The following MYLK variants were observed in gnomAD, a reference collection of about 807,000 sequenced individuals.
The protein encoded by MYLK is myosin light chain kinase, smooth muscle.
In MYLK, 106 loss-of-function variants were observed where a neutral mutation model predicts 203.4. That is an observed-to-expected ratio of 0.52 (90% confidence interval 0.45 to 0.61). The LOEUF (loss-of-function observed/expected upper bound fraction) is 0.61. Ranked by LOEUF, MYLK falls within the 20% of genes least tolerant of loss-of-function variation. The pLI is 0.00. For missense variants in MYLK, 2,072 were observed against 2,442.3 expected (o/e 0.85, Z 3.20); for synonymous variants, 867 against 959.5 (o/e 0.90, Z 1.78).
At position 123,708,768 on chromosome 3, in the gene MYLK, C is replaced by T. The variant is rs141049942; in HGVS notation, c.2070G>A (p.Thr690=). The T allele has an allele frequency of 3.6e-5, 58 of 1,614,028 alleles. No homozygotes were observed. The highest frequency in any genetic ancestry group is 1.6e-4 in the Middle Eastern group (1 of 6,082). Residue 690 remains threonine, a synonymous_variant, in exon 15 of 34, where the codon ACG becomes ACA. Coordinates refer to ENST00000360304, the MANE Select transcript of MYLK (RefSeq NM_053025.4). ...LCIQEVFPED[T]GTYTCEAWNS... is the part of the protein sequence containing the mutation. ...TCCAGGCCTCGCAGGTGTACGTGCC[C>T]GTGTCCTCCGGGAACACTTCCTGGA...
chr3:123,635,599 C>G (rs1165901606), intron 29 of MYLK, among the ~76,000 whole-genome samples: 1 of 152,216 alleles, frequency 6.6e-6, no homozygotes, highest in African/African-American at 2.4e-5. Context: ...TATCTTCTCC[C>G]CATTTCCAAA....
intron 18 of MYLK, among the ~76,000 whole-genome samples, chr3:123,699,550 A>G (rs1576616741): frequency 6.6e-6 from 1 of 152,192 alleles, no homozygotes; most frequent in African/African-American, 2.4e-5. Context: ...GTCACTGCAC[A>G]CCGTTCCCCA....
intron 2 of MYLK, among the ~76,000 whole-genome samples, chr3:123,836,716 T>C (rs2066482429): frequency 6.6e-6 from 1 of 152,186 alleles, no homozygotes; most frequent in Admixed American, 6.5e-5. Flanking sequence ...AAGGAGGTAA[T>C]ATGGAAACTC....
intron 4 of MYLK, among the ~76,000 whole-genome samples, chr3:123,791,568 T>C (rs529030272): frequency 1.3e-5 from 2 of 152,382 alleles, no homozygotes; most frequent in South Asian, 4.1e-4. Context: ...CTCTCTGGAA[T>C]AGTCTTTCTT....
chr3:123,809,236 C>CT (rs2065471816), intron 3 of MYLK, among the ~76,000 whole-genome samples: 1 of 152,098 alleles, frequency 6.6e-6, no homozygotes, highest in Admixed American at 6.5e-5. Context: ...TAGAAGACCT[C>CT]TAAGCAGGCC....
At chr3:123,686,838 A>G (rs1026688458) in intron 19 of MYLK, among the ~76,000 whole-genome samples, 2 of 152,206 alleles carry the variant, frequency 1.3e-5, no homozygotes, top group Non-Finnish European at 2.9e-5. Flanking sequence ...GAACTACACC[A>G]TTCGCCAGTA....
chr3:123,781,420 G>A (rs940205110), intron 4 of MYLK, among the ~76,000 whole-genome samples: 3 of 152,168 alleles, frequency 2.0e-5, no homozygotes, highest in Non-Finnish European at 2.9e-5. Context: ...AGGGTGCTGT[G>A]CTCTTAGAGG....
At chr3:123,868,991 A>C (rs1284731324) in intron 2 of MYLK, among the ~76,000 whole-genome samples, 2 of 152,160 alleles carry the variant, frequency 1.3e-5, no homozygotes, top group East Asian at 3.9e-4. Flanking sequence ...TCAGGGTGAC[A>C]AAATTGGAAC....
chr3:123,719,101 C>T (rs542692574), intron 13 of MYLK, among the ~76,000 whole-genome samples: 133 of 152,278 alleles, frequency 8.7e-4, no homozygotes, highest in Non-Finnish European at 1.1e-3. Context: ...CTGCAGAAAT[C>T]GCGTCTGAGG....
chr3:123,880,551 T>A (rs1219957992), intron 1 of MYLK, among the ~76,000 whole-genome samples: 1 of 150,268 alleles, frequency 6.7e-6, no homozygotes, highest in East Asian at 2.0e-4. Context: ...GGGCTTTCTG[T>A]CTCCAGAGGG....
rs111577467 is a variant in MYLK at position 123,790,017 on chromosome 3, AC to A, written c.165+3659del. 9.0e-3 allele frequency among the ~76,000 whole-genome samples: 1,378 copies of A among 152,280 alleles called. 18 individuals are homozygous for A. The highest frequency in any genetic ancestry group is 0.031 in the African/African-American group (1,287 of 41,550). ...TTCGGTAACATTTCCTGTGTGAATC[AC>A]TGCAAAGATTGTATCTGGGACAGGC... On this transcript the variant is annotated intron_variant, in intron 4 of 33. Transcript: ENST00000360304.
intron 4 of MYLK, among the ~76,000 whole-genome samples, chr3:123,777,393 T>C (rs1042815202): frequency 1.3e-5 from 2 of 152,224 alleles, no homozygotes; most frequent in African/African-American, 4.8e-5. Context: ...TGTCCTGATG[T>C]TTTTTGATCA....
chr3:123,835,003 G>A (rs2066439890), intron 2 of MYLK, among the ~76,000 whole-genome samples: 2 of 152,222 alleles, frequency 1.3e-5, no homozygotes, highest in Non-Finnish European at 2.9e-5. Flanking sequence ...CCCATGGAAA[G>A]GAACATAGCT....
chr3:123,618,040 C>T (rs1471476815), intron 33 of MYLK: 2 of 157,976 alleles, frequency 1.3e-5, no homozygotes, highest in Non-Finnish European at 2.8e-5. Flanking sequence ...CTGCCAGTCC[C>T]ACAACTTTTC....
At chr3:123,826,978 T>C (rs931860741) in intron 3 of MYLK, among the ~76,000 whole-genome samples, 5 of 152,052 alleles carry the variant, frequency 3.3e-5, no homozygotes, top group African/African-American at 9.7e-5. Flanking sequence ...ACCAGATGCA[T>C]AGAAATCAAT....
At chr3:123,620,156 G>T in intron 32 of MYLK, 51 bp downstream of exon 32, 7 of 1,494,536 alleles carry the variant, frequency 4.7e-6, no homozygotes, top group African/African-American at 2.8e-5. Flanking sequence ...ATGCCCCTTT[G>T]TTCCCCAGCC....
intron 3 of MYLK, among the ~76,000 whole-genome samples, chr3:123,801,871 T>C (rs1302468672): frequency 6.6e-6 from 1 of 152,216 alleles, no homozygotes; most frequent in Non-Finnish European, 1.5e-5. Context: ...CTATTGGGAA[T>C]AGCACTGTGA....
chr3:123,837,143 C>T (rs2066492135), intron 2 of MYLK, among the ~76,000 whole-genome samples: 1 of 152,134 alleles, frequency 6.6e-6, no homozygotes, highest in Admixed American at 6.6e-5. Context: ...AAGCAATTCT[C>T]CTGCCTCAGC....
At chr3:123,738,780 G>A (rs567133983) in intron 7 of MYLK, 117 bp downstream of exon 7, 24 of 1,354,996 alleles carry the variant, frequency 1.8e-5, no homozygotes, top group South Asian at 2.5e-5. Context: ...CATGTGGAAC[G>A]GTGAGTCCAT....
Sources: gnomAD v4.1 joint callset for allele counts (sites outside exome capture counted in the v4.1 genomes callset) on GRCh38, gnomAD v4.1.1 for gene constraint, MANE v1.5 for transcripts, NCBI Gene and HGNC (gene_info 2026-07-23, HGNC 2026-07-21) for gene names.